The following LAMA5 variants were observed in gnomAD, a reference collection of about 807,000 sequenced individuals.
LAMA5 encodes the protein laminin subunit alpha 5.
A neutral mutation model predicts 433.4 loss-of-function variants in LAMA5; 260 were observed. The ratio of observed to expected loss-of-function variants is 0.60; its 90% CI spans 0.54 to 0.66. The LOEUF is 0.66. LAMA5 is among the 30% of genes least tolerant of loss of function. The probability of loss-of-function intolerance (pLI) is 0.00; values close to 1 mark genes in which losing one functional copy is unlikely to be tolerated. For synonymous variants in LAMA5, 2,620 were observed against 2,226.6 expected, an observed-to-expected ratio of 1.18 and a Z score of -4.97; for missense variants, 5,378 against 5,258.5, an observed-to-expected ratio of 1.02 and a Z score of -0.70.
rs1381882640 is a variant in LAMA5 at position 62,318,316 on chromosome 20, GA to G, written c.7239+137del. 68 of 416,714 alleles carry G rather than the reference GA, an allele frequency of 1.6e-4. 1 individual carries two copies. The highest frequency in any genetic ancestry group is 2.1e-4 in the Non-Finnish European group (50 of 241,780). The allele number at this position is 416,714 out of a possible 1,614,324, so 25.8% of individuals were successfully genotyped here. ...AGGAGGAGGGGGGGAAGAAGAGGAGGAGGGGGGGAGGACGAGGGAGGGGAGG... is the reference window on the plus strand; with the variant it reads ...AGGAGGAGGGGGGGAAGAAGAGGAGGGGGGGGGAGGACGAGGGAGGGGAGG... On this transcript the variant is annotated intron_variant, in intron 53 of 79. Coordinates refer to ENST00000252999, the MANE Select transcript of LAMA5 (RefSeq NM_005560.6).
Position 62,324,806 on chromosome 20 carries a change from A to G in LAMA5, c.5530-252T>C. ...CGGATGTCCTGTCTCGGGAATGACC[A>G]GGCCTTGGGGCTGGTGACCACCCAC... On this transcript the variant is annotated intron_variant, in intron 41 of 79. Transcript: ENST00000252999. This position sits in a 1 kb window ranked among gnomAD's most constrained non-coding sequence, Gnocchi z 4.4. The G allele has an allele frequency of 1.9e-6, 1 of 518,802 alleles. No homozygotes were observed. The highest frequency in any genetic ancestry group is 3.5e-6 in the Non-Finnish European group (1 of 285,086). 32.1% of individuals were successfully genotyped at this position (518,802 alleles called of 1,614,324 possible).
At chr20:62,316,094 C>T (rs1353331785) in intron 57 of LAMA5, 36 bp from the exon 58 acceptor site, 5 of 1,462,988 alleles carry the variant, frequency 3.4e-6, no homozygotes, top group Non-Finnish European at 4.7e-6. Context: ...CAGGCAGCTT[C>T]ACCCCCAGTA....
At position 62,335,411 on chromosome 20, in the gene LAMA5, C is replaced by CA. The variant is rs1288042614; in HGVS notation, c.2324-143dup. ...ACCCCCAGGAGCCCCTGCACCCTGA[C>CA]ACTCCCTCTAGGATACACTTGCAGG... is the stretch of plus-strand genomic sequence containing the variant. On this transcript the variant is annotated intron_variant, in intron 18 of 79. Coordinates refer to ENST00000252999, the MANE Select transcript of LAMA5 (RefSeq NM_005560.6). 1.3e-5 allele frequency: 10 copies of CA among 743,858 alleles called. No individual in the cohort carries two copies. The African/African-American group carries it at 1.6e-4, about 12-fold the overall frequency. The allele number at this position is 743,858 out of a possible 1,614,324, so 46.1% of individuals were successfully genotyped here. A position where few individuals can be genotyped will look rare whatever the true frequency, so the allele number is the denominator to read the frequency against.
At chr20:62,327,491 TC>T (rs2146162884) in intron 37 of LAMA5, 37 bp downstream of exon 37, 1 of 1,610,970 alleles carries the variant, frequency 6.2e-7, no homozygotes, top group Non-Finnish European at 8.5e-7. Flanking sequence ...ACCTAAGACC[TC>T]CCCGAGAAGG....
At position 62,324,065 on chromosome 20, in the gene LAMA5, A is replaced by C; in HGVS notation, c.5768+15T>G. On this transcript the variant is annotated intron_variant, in intron 43 of 79. Coordinates refer to ENST00000252999, the MANE Select transcript of LAMA5 (RefSeq NM_005560.6). The surrounding 1 kb of genome is among the most constrained non-coding windows in gnomAD (Gnocchi z 4.4). ...GGCACCATCAGGGCCTCGTCCCGGG[A>C]GGAGGCTGGCTTACTTGTTGGAAGG... The C allele has an allele frequency of 6.7e-7, 1 of 1,498,454 alleles. No individual in the cohort carries two copies. Among genetic ancestry groups the C allele is most frequent in the South Asian group, 1.4e-5 (1 of 72,636 alleles). 92.8% of individuals were successfully genotyped at this position (1,498,454 alleles called of 1,614,324 possible).
intron 11 of LAMA5, among the ~76,000 whole-genome samples, chr20:62,343,373 C>T (rs1050767033): frequency 1.3e-5 from 2 of 152,096 alleles, no homozygotes; most frequent in Non-Finnish European, 2.9e-5. Context: ...GGTAGAACAA[C>T]GTGGGCAGAT....
In LAMA5 at chr20:62,317,777, T is replaced by G. The variant is rs374325510; in HGVS notation, c.7241A>C (p.Gln2414Pro). 10 of 1,589,772 alleles carry G rather than the reference T, an allele frequency of 6.3e-6. No individual in the cohort carries two copies. Among genetic ancestry groups the G allele is most frequent in the Non-Finnish European group, 8.6e-6 (10 of 1,168,424 alleles). ...GTCCCGGGACAGCTCCTGCTTCCTT[T>G]GCTGAAGGCAATGCAGGGGAGTTGG... Reference protein sequence around the residue: ...RNQERLEEALQRKQELSRDNA... With the variant: ...RNQERLEEALPRKQELSRDNA... The change falls in exon 54 of 80, where the codon CAA becomes CCA. Residue 2414 changes from glutamine to proline, a missense_variant and splice_region_variant. By Grantham distance (76) the Gln-to-Pro change is moderately conservative (BLOSUM62 -1). Coordinates refer to ENST00000252999, the MANE Select transcript of LAMA5 (RefSeq NM_005560.6).
chr20:62,309,505 TG>T, intron 79 of LAMA5, 30 bp from the exon 80 acceptor site: 1 of 1,549,360 alleles, frequency 6.5e-7, no homozygotes, highest in African/African-American at 1.4e-5. Context: ...GGAAGAAGGC[TG>T]GTTGGTGGGC....
In LAMA5 at chr20:62,338,167, G is replaced by A; in HGVS notation, c.1757-17C>T. 2.5e-6 allele frequency: 4 copies of A among 1,570,988 alleles called. No homozygotes were observed. Among genetic ancestry groups the A allele is most frequent in the Admixed American group, 1.8e-5 (1 of 56,770 alleles). On this transcript the variant is annotated splice_polypyrimidine_tract_variant and intron_variant, in intron 13 of 79. Coordinates refer to ENST00000252999, the MANE Select transcript of LAMA5 (RefSeq NM_005560.6). ...AGCCACACACTGCAGAGCGGAGCGG[G>A]TGTCACGGTAGGCCAGGCCCACGGG...
intron 1 of LAMA5, among the ~76,000 whole-genome samples, chr20:62,365,555 C>G (rs985115137): frequency 6.6e-6 from 1 of 152,142 alleles, no homozygotes; most frequent in African/African-American, 2.4e-5. Context: ...CCTGCCAGAA[C>G]GGCAAAATCT....
At chr20:62,311,816 T>TGGCCCCCCCCCCCCCCCCC in intron 70 of LAMA5, 32 bp from the exon 71 acceptor site, 1 of 1,520,958 alleles carries the variant, frequency 6.6e-7, no homozygotes, top group Non-Finnish European at 8.9e-7. Context: ...GCTCGGTTTT[T>TGGCCCCCCCCCCCCCCCCC]CCCCACCCTG....
At position 62,312,846 on chromosome 20, in the gene LAMA5, C is replaced by T. The variant is rs763242030; in HGVS notation, c.9078+42G>A. 1.4e-5 allele frequency: 23 copies of T among 1,601,652 alleles called. No homozygotes were observed. The South Asian group carries it at 2.4e-4, about 17-fold the overall frequency. ...GCGGCCTGCCCCGCCCCCATCGTTC[C>T]ATCTCCTCTCCCTGCCACCCTGGTC... On this transcript the variant is annotated intron_variant, in intron 66 of 79. Coordinates refer to ENST00000252999, the MANE Select transcript of LAMA5 (RefSeq NM_005560.6).
At position 62,319,912 on chromosome 20, in the gene LAMA5, A is replaced by G. The variant is rs971670119; in HGVS notation, c.6760-117T>C. On this transcript the variant is annotated intron_variant, in intron 50 of 79. Coordinates refer to ENST00000252999, the MANE Select transcript of LAMA5 (RefSeq NM_005560.6). ...CCCAGGGAAGAGGGGCCCCTTATCT[A>G]TTTAACTCTCTTATCTGATGACTTG... is the stretch of plus-strand genomic sequence containing the variant. The G allele has an allele frequency of 2.4e-5, 15 of 624,808 alleles. No homozygotes were observed. In the African/African-American group the frequency reaches 2.6e-4, roughly 11 times the overall value. The allele number at this position is 624,808 out of a possible 1,614,324, so 38.7% of individuals were successfully genotyped here. A position where few individuals can be genotyped will look rare whatever the true frequency, so the allele number is the denominator to read the frequency against.
intron 55 of LAMA5, 106 bp downstream of exon 55, chr20:62,317,239 A>T (rs938123871): frequency 4.6e-6 from 6 of 1,301,908 alleles, no homozygotes; most frequent in Non-Finnish European, 6.1e-6. Flanking sequence ...TTCTTTGAGG[A>T]CAACGGCCTC....
rs1986248913 is a variant in LAMA5 at position 62,362,490 on chromosome 20, G to A, written c.360C>T (p.Ala120=). ...NSNKAHPASN[A]IDGTERWWQS... is the part of the protein sequence containing the mutation. ...GCCACCAGCGCTCCGTGCCATCGAT[G>A]GCATTGCTCGCGGGGTGTGCCTTGT... is the stretch of plus-strand genomic sequence containing the variant. The change falls in exon 2 of 80, where the codon GCC becomes GCT. Residue 120 remains alanine, a synonymous_variant. Transcript: ENST00000252999. 1 of 1,605,422 alleles carries A rather than the reference G, an allele frequency of 6.2e-7. No individual in the cohort carries two copies. The highest frequency in any genetic ancestry group is 1.7e-5 in the Admixed American group (1 of 59,324).
rs776940753 is a variant in LAMA5, at chr20:62,313,467, G to A, written c.8659-7C>T. 6.3e-6 allele frequency: 10 copies of A among 1,598,356 alleles called. No homozygotes were observed. Among genetic ancestry groups the A allele is most frequent in the Non-Finnish European group, 6.8e-6 (8 of 1,173,360 alleles). On this transcript the variant is annotated splice_polypyrimidine_tract_variant and splice_region_variant and intron_variant, in intron 63 of 79. Coordinates refer to ENST00000252999, the MANE Select transcript of LAMA5 (RefSeq NM_005560.6). ...AGCGAAGCAGGGGAGGGGGCTGTGG[G>A]CACAGGGCTGGGTCAGGGCACCTGG... is the stretch of plus-strand genomic sequence containing the variant.
At position 62,310,750 on chromosome 20, in the gene LAMA5, C is replaced by CG; in HGVS notation, c.10360dup (p.Arg3454ProfsTer89). The CG allele has an allele frequency of 6.4e-7, 1 of 1,570,850 alleles. No homozygotes were observed. On this transcript the variant is annotated frameshift_variant, in exon 75 of 80. Transcript: ENST00000252999. LOFTEE classifies it high-confidence loss of function. ...GGGGTGCTCTGCCCCCTGGTGCTGC[C>CG]GGTGCGGCCCCTCCTGGCTCCAGGC... is the stretch of plus-strand genomic sequence containing the variant.
chr20:62,336,303 G>A, intron 18 of LAMA5, 37 bp downstream of exon 18: 1 of 1,442,378 alleles, frequency 6.9e-7, no homozygotes, highest in Admixed American at 2.0e-5. Context: ...AGTTCCCCAA[G>A]GAACCCCTGT....
chr20:62,315,468 C>G (rs907676761), intron 58 of LAMA5, among the ~76,000 whole-genome samples: 2 of 152,098 alleles, frequency 1.3e-5, no homozygotes, highest in African/African-American at 2.4e-5. Context: ...CTCCCACCAC[C>G]TGGCCCCCAC....
Sources: allele counts gnomAD v4.1 joint callset (sites outside exome capture counted in the v4.1 genomes callset), GRCh38; gene constraint gnomAD v4.1.1; non-coding constraint Gnocchi (gnomAD v3.1); transcripts MANE v1.5; gene names NCBI Gene and HGNC (gene_info 2026-07-23, HGNC 2026-07-21).